The following AGMO variants were observed in gnomAD, a reference collection of about 807,000 sequenced individuals.
AGMO encodes glyceryl-ether monooxygenase.
AGMO carries 75 observed loss-of-function variants against 60.2 expected under a neutral mutation model. The observed-to-expected ratio is 1.25, with a 90% CI of 1.03 to 1.51. AGMO has a LOEUF of 1.51. Ranked by LOEUF, AGMO falls within the 40% of genes most tolerant of loss-of-function variation. The pLI is 0.00. For missense variants in AGMO, 763 were observed against 525.5 expected, an observed-to-expected ratio of 1.45 and a Z score of -4.42; for synonymous variants, 261 against 177.1, an observed-to-expected ratio of 1.47 and a Z score of -3.76.
chr7:15,387,283 T>G (rs1783954596), intron 9 of AGMO, 123 bp downstream of exon 9: 1 of 1,130,964 alleles, frequency 8.8e-7, no homozygotes, highest in Non-Finnish European at 1.3e-6. Context: ...ACCACAGGAC[T>G]GCATCTGACT....
rs187916662 is a variant in AGMO at position 15,289,498 on chromosome 7, G to T, written c.1263+76016C>A. Among the ~76,000 whole-genome samples the T allele has an allele frequency of 2.6e-4, 40 of 152,000 alleles. 1 individual carries two copies. Among genetic ancestry groups the T allele is most frequent in the Non-Finnish European group, 5.9e-5 (4 of 67,938 alleles). On this transcript the variant is annotated intron_variant, in intron 12 of 12. Coordinates refer to ENST00000342526, the MANE Select transcript of AGMO (RefSeq NM_001004320.2). Reference sequence around the variant, plus strand: ...ATGACTCTGGTTTAGCCATTTCTTAGGTAATACATGCTTTGTGGCTCACCA... The same window carrying T: ...ATGACTCTGGTTTAGCCATTTCTTATGTAATACATGCTTTGTGGCTCACCA...
At chr7:15,387,100 G>A (rs761148163) in intron 9 of AGMO, among the ~76,000 whole-genome samples, 5 of 152,144 alleles carry the variant, frequency 3.3e-5, no homozygotes, top group South Asian at 2.1e-4. Context: ...TGAGCTGCAT[G>A]TATTTGTGAA....
chr7:15,122,225 C>A, the AGMO span, among the ~76,000 whole-genome samples: 1 of 152,002 alleles, frequency 6.6e-6, no homozygotes, highest in Non-Finnish European at 1.5e-5. Flanking sequence ...AAAACAACCC[C>A]ATCAAAAAGT....
chr7:15,211,726 C>A (rs1781597703), intron 12 of AGMO, among the ~76,000 whole-genome samples: 2 of 151,844 alleles, frequency 1.3e-5, no homozygotes, highest in African/African-American at 4.8e-5. Flanking sequence ...CATTAAATTC[C>A]CCACTCATAT....
At chr7:15,461,376 C>A (rs1782137634) in intron 3 of AGMO, among the ~76,000 whole-genome samples, 1 of 151,328 alleles carries the variant, frequency 6.6e-6, no homozygotes, top group Non-Finnish European at 1.5e-5. Flanking sequence ...GAAACAGCAC[C>A]CTTAATATTT....
chr7:15,245,039 A>C (rs1156540574), intron 12 of AGMO, among the ~76,000 whole-genome samples: 1 of 152,148 alleles, frequency 6.6e-6, no homozygotes, highest in Non-Finnish European at 1.5e-5. Context: ...TAGACTACAA[A>C]AGAAAGCATC....
Position 15,254,349 on chromosome 7 carries a change from A to G in AGMO, c.1264-52990T>C, listed in dbSNP as rs930852202. On this transcript the variant is annotated intron_variant, in intron 12 of 12. Transcript: ENST00000342526. ...AATGGCTGTGCTAACTTACATTACC[A>G]CTAACAGAGTATCAGAGTTCCCCTT... 8.5e-5 allele frequency among the ~76,000 whole-genome samples: 13 copies of G among 152,180 alleles called. No homozygotes were observed. In the East Asian group the frequency reaches 9.6e-4, roughly 11 times the overall value.
chr7:15,191,226 G>A, the AGMO span, among the ~76,000 whole-genome samples: 7 of 152,072 alleles, frequency 4.6e-5, 1 homozygote, highest in Non-Finnish European at 8.8e-5. Context: ...ACCATTCAAG[G>A]ATCAGCAATC....
At chr7:15,371,836 T>C (rs772909258) in intron 10 of AGMO, among the ~76,000 whole-genome samples, 1 of 152,068 alleles carries the variant, frequency 6.6e-6, no homozygotes, top group African/African-American at 2.4e-5. Context: ...CCACACCTCA[T>C]CTAATACCAA....
chr7:15,320,871 T>C (rs1283338696), intron 12 of AGMO, among the ~76,000 whole-genome samples: 1 of 152,192 alleles, frequency 6.6e-6, no homozygotes, highest in Admixed American at 6.6e-5. Flanking sequence ...TACATTTGGA[T>C]GGTATAACTT....
chr7:15,443,520 T>C (rs1253819071), intron 3 of AGMO, among the ~76,000 whole-genome samples: 1 of 152,202 alleles, frequency 6.6e-6, no homozygotes, highest in African/African-American at 2.4e-5. Context: ...ATCCACTGCA[T>C]TGTCAGCATC....
intron 3 of AGMO, among the ~76,000 whole-genome samples, chr7:15,515,781 A>G (rs947309364): frequency 6.6e-6 from 1 of 152,222 alleles, no homozygotes; most frequent in Non-Finnish European, 1.5e-5. Context: ...ATAAGCAATG[A>G]AGTCATTTTG....
At chr7:15,507,797 G>T (rs956622592) in intron 3 of AGMO, among the ~76,000 whole-genome samples, 9 of 152,092 alleles carry the variant, frequency 5.9e-5, no homozygotes, top group African/African-American at 2.2e-4. Context: ...GAACAAAAAA[G>T]CATATTAGAT....
intron 8 of AGMO, among the ~76,000 whole-genome samples, chr7:15,389,632 G>T (rs954389760): frequency 3.9e-5 from 6 of 152,176 alleles, no homozygotes; most frequent in Non-Finnish European, 7.3e-5. Context: ...GCAGCACTGT[G>T]TATCAGTTAA....
intron 12 of AGMO, among the ~76,000 whole-genome samples, chr7:15,208,176 C>T (rs1024597856): frequency 6.6e-4 from 100 of 152,092 alleles, no homozygotes; most frequent in African/African-American, 2.3e-3. Flanking sequence ...GTTCTTAATG[C>T]TACAGAAGAG....
At chr7:15,231,483 C>T (rs1183344892) in intron 12 of AGMO, among the ~76,000 whole-genome samples, 3 of 152,144 alleles carry the variant, frequency 2.0e-5, no homozygotes, top group African/African-American at 4.8e-5. Flanking sequence ...TTGTATTTAA[C>T]ACAATGCAAA....
the AGMO span, among the ~76,000 whole-genome samples, chr7:15,168,220 C>T: frequency 1.3e-5 from 2 of 152,076 alleles, no homozygotes; most frequent in African/African-American, 4.8e-5. Context: ...TTAACTATGC[C>T]TAGTACACCT....
intron 4 of AGMO, among the ~76,000 whole-genome samples, chr7:15,424,791 G>A (rs933743276): frequency 6.6e-6 from 1 of 152,110 alleles, no homozygotes; most frequent in African/African-American, 2.4e-5. Context: ...TACTTCATGG[G>A]GGCTTAATGC....
intron 12 of AGMO, among the ~76,000 whole-genome samples, chr7:15,298,570 T>G (rs1260499403): frequency 6.6e-6 from 1 of 152,056 alleles, no homozygotes; most frequent in Admixed American, 6.6e-5. Flanking sequence ...CTCAGATTAT[T>G]TGTGTATTTT....
Sources: allele counts gnomAD v4.1 joint callset (sites outside exome capture counted in the v4.1 genomes callset), GRCh38; gene constraint gnomAD v4.1.1; transcripts MANE v1.5; gene names NCBI Gene and HGNC (gene_info 2026-07-23, HGNC 2026-07-21).